TASP1: variants seen among roughly 807,000 people sequenced by gnomAD.
The protein encoded by TASP1 is taspase 1.
A neutral mutation model predicts 56.6 loss-of-function variants in TASP1; 16 were observed. The observed-to-expected ratio is 0.28, with a 90% CI of 0.19 to 0.43. The LOEUF (loss-of-function observed/expected upper bound fraction) is 0.43. Ranked by LOEUF, TASP1 falls within the 20% of genes least tolerant of loss-of-function variation. TASP1 has a pLI of 1.00. For synonymous variants in TASP1, 179 were observed against 184.2 expected (o/e 0.97, Z 0.23); for missense variants, 393 against 511.6 (o/e 0.77, Z 2.24).
At chr20:13,190,611 C>A in the TASP1 span, among the ~76,000 whole-genome samples, 10 of 152,132 alleles carry the variant, frequency 6.6e-5, no homozygotes, top group South Asian at 1.9e-3. Context: ...AAATGTAAGA[C>A]CTGAAAATGA....
At chr20:13,622,075 A>G (rs1395386119) in intron 4 of TASP1, among the ~76,000 whole-genome samples, 1 of 152,234 alleles carries the variant, frequency 6.6e-6, no homozygotes, top group Non-Finnish European at 1.5e-5. Context: ...CTTGTCATTA[A>G]TAGTTGCCAT....
At chr20:13,178,689 T>TAA in the TASP1 span, among the ~76,000 whole-genome samples, 4 of 110,752 alleles carry the variant, frequency 3.6e-5, no homozygotes, top group Admixed American at 9.2e-5. Context: ...ATATGGAAGC[T>TAA]AAAAAAAAAA....
the TASP1 span, chr20:13,298,897 C>T: frequency 1.3e-6 from 2 of 1,588,714 alleles, no homozygotes; most frequent in Non-Finnish European, 1.7e-6. Context: ...CTCCTGTGGG[C>T]CGGTTGTACA....
the TASP1 span, among the ~76,000 whole-genome samples, chr20:13,134,864 G>T: frequency 1.3e-5 from 2 of 152,206 alleles, no homozygotes; most frequent in African/African-American, 4.8e-5. Context: ...CTTTAAATCT[G>T]TGTTTAAACC....
the TASP1 span, among the ~76,000 whole-genome samples, chr20:13,289,656 G>A: frequency 1.6e-4 from 24 of 147,120 alleles, no homozygotes; most frequent in Admixed American, 6.7e-5. Context: ...CATGGAGGAA[G>A]AGAAGGAGGA....
At chr20:13,112,152 C>T in the TASP1 span, among the ~76,000 whole-genome samples, 1 of 152,202 alleles carries the variant, frequency 6.6e-6, no homozygotes, top group Non-Finnish European at 1.5e-5. Flanking sequence ...TTGTGTGGAC[C>T]AACTGGGCAG....
chr20:13,236,556 A>G, the TASP1 span, among the ~76,000 whole-genome samples: 1 of 152,214 alleles, frequency 6.6e-6, no homozygotes, highest in Non-Finnish European at 1.5e-5. Context: ...AATTTATTTC[A>G]GAATTAACCC....
At chr20:13,496,975 G>A (rs1212186256) in intron 10 of TASP1, among the ~76,000 whole-genome samples, 1 of 152,188 alleles carries the variant, frequency 6.6e-6, no homozygotes, top group African/African-American at 2.4e-5. Context: ...TGTAGATGAG[G>A]ACAAGAAATT....
At chr20:13,367,385 T>G in the TASP1 span, among the ~76,000 whole-genome samples, 2 of 152,234 alleles carry the variant, frequency 1.3e-5, no homozygotes, top group African/African-American at 4.8e-5. Context: ...ATCATCATAA[T>G]AGTTGCTCCC....
chr20:13,201,482 C>T, the TASP1 span, among the ~76,000 whole-genome samples: 1 of 151,760 alleles, frequency 6.6e-6, no homozygotes, highest in African/African-American at 2.4e-5. Context: ...TCATAACTAT[C>T]TGTATTATCA....
At chr20:13,184,290 G>A in the TASP1 span, among the ~76,000 whole-genome samples, 1 of 152,072 alleles carries the variant, frequency 6.6e-6, no homozygotes, top group African/African-American at 2.4e-5. Context: ...CTTACATGAT[G>A]ATGAACTAAC....
chr20:13,520,089 A>G (rs2044684162), intron 10 of TASP1, among the ~76,000 whole-genome samples: 1 of 152,250 alleles, frequency 6.6e-6, no homozygotes, highest in South Asian at 2.1e-4. Context: ...CTCTTCAAGG[A>G]GAACTACAAA....
chr20:13,205,595 G>C, the TASP1 span, among the ~76,000 whole-genome samples: 3 of 152,318 alleles, frequency 2.0e-5, no homozygotes, highest in Non-Finnish European at 4.4e-5. Context: ...GGACAGCAGA[G>C]AGAGGAGGCA....
chr20:13,487,799 A>T (rs1157379015), intron 10 of TASP1, among the ~76,000 whole-genome samples: 3 of 152,228 alleles, frequency 2.0e-5, no homozygotes, highest in Non-Finnish European at 4.4e-5. Flanking sequence ...GTTGAAAACA[A>T]ATTTGTAAAA....
chr20:13,224,358 G>T, the TASP1 span, among the ~76,000 whole-genome samples: 1 of 152,188 alleles, frequency 6.6e-6, no homozygotes, highest in East Asian at 1.9e-4. Flanking sequence ...AAATGAGGAG[G>T]TCTGCAAAAG....
the TASP1 span, among the ~76,000 whole-genome samples, chr20:13,223,169 A>T: frequency 6.8e-4 from 99 of 145,268 alleles, no homozygotes; most frequent in Middle Eastern, 3.4e-3. Flanking sequence ...AAAAAAAATA[A>T]AATAAAATAA....
At chr20:13,430,913 G>C (rs989359432) in intron 12 of TASP1, among the ~76,000 whole-genome samples, 1 of 152,128 alleles carries the variant, frequency 6.6e-6, no homozygotes, top group Non-Finnish European at 1.5e-5. Context: ...GATAACTAAT[G>C]TATTTGTCAA....
chr20:13,170,559 A>C, the TASP1 span, among the ~76,000 whole-genome samples: 1 of 152,240 alleles, frequency 6.6e-6, no homozygotes. Flanking sequence ...ATCCAACAAC[A>C]GAAGTTCAGA....
the TASP1 span, among the ~76,000 whole-genome samples, chr20:13,198,813 TC>T: frequency 2.3e-5 from 3 of 129,434 alleles, no homozygotes; most frequent in African/African-American, 8.5e-5. Flanking sequence ...TTTCTTTCTT[TC>T]TTTCTTTCTT....
Sources: allele counts gnomAD v4.1 joint callset (sites outside exome capture counted in the v4.1 genomes callset), GRCh38; gene constraint gnomAD v4.1.1; transcripts MANE v1.5; gene names NCBI Gene and HGNC (gene_info 2026-07-23, HGNC 2026-07-21).